The following PSPC1 variants were observed in gnomAD, a reference collection of about 807,000 sequenced individuals.
PSPC1 encodes the protein paraspeckle component 1.
A neutral mutation model predicts 51.6 loss-of-function variants in PSPC1; 14 were observed. That is an observed-to-expected ratio of 0.27 (90% CI 0.18 to 0.42). PSPC1 has a LOEUF of 0.42. Among genes scored for constraint, PSPC1 ranks in the 10% least tolerant of loss-of-function variants. PSPC1 has a pLI of 1.00. For synonymous variants in PSPC1, 193 were observed against 231.9 expected, an observed-to-expected ratio of 0.83 and a Z score of 1.53; for missense variants, 406 against 701.1, an observed-to-expected ratio of 0.58 and a Z score of 4.75.
rs558696019 is a variant in PSPC1, at chr13:19,710,589, G to A, written c.1159-990C>T. On this transcript the variant is annotated intron_variant, in intron 6 of 8. Coordinates refer to ENST00000338910, the MANE Select transcript of PSPC1 (RefSeq NM_001354909.2). ...CATTTAAAGTTCCATTTTATAATAC[G>A]AAAGACTGTTGAAAAGCACCTATAA... is the stretch of plus-strand genomic sequence containing the variant. Among the ~76,000 whole-genome samples the A allele has an allele frequency of 8.5e-5, 13 of 152,158 alleles. No homozygotes were observed. The East Asian group carries it at 2.1e-3, about 25-fold the overall frequency.
chr13:19,763,996 C>A (rs1887822275), intron 2 of PSPC1, among the ~76,000 whole-genome samples: 1 of 150,632 alleles, frequency 6.6e-6, no homozygotes, highest in Admixed American at 6.6e-5. Flanking sequence ...GACTGAAACC[C>A]TGTCTCGGAA....
intron 1 of PSPC1, among the ~76,000 whole-genome samples, chr13:19,780,254 G>A (rs112084683): frequency 2.1e-5 from 3 of 142,724 alleles, no homozygotes; most frequent in Admixed American, 1.4e-4. Flanking sequence ...CTGCCCGGCC[G>A]CCCCTACTGG....
intron 6 of PSPC1, chr13:19,678,600 G>C (rs1876923621): frequency 6.6e-6 from 1 of 152,048 alleles, no homozygotes; most frequent in Non-Finnish European, 1.5e-5. Flanking sequence ...CCTGAGAATT[G>C]GATGAAGCCC....
At chr13:19,730,979 A>AAAAAAAAAAAAAG (rs1884037281) in intron 5 of PSPC1, among the ~76,000 whole-genome samples, 1 of 138,164 alleles carries the variant, frequency 7.2e-6, no homozygotes, top group Non-Finnish European at 1.6e-5. Flanking sequence ...AAAAAAAAAA[A>AAAAAAAAAAAAAG]CAGAAAAAGT....
intron 7 of PSPC1, among the ~76,000 whole-genome samples, chr13:19,677,472 G>C (rs571793832): frequency 6.6e-6 from 1 of 152,178 alleles, no homozygotes; most frequent in African/African-American, 2.4e-5. Context: ...AGGGCAAGGC[G>C]AAGCTGAGAG....
chr13:19,748,335 A>G (rs1350802020), intron 4 of PSPC1, among the ~76,000 whole-genome samples: 2 of 152,238 alleles, frequency 1.3e-5, no homozygotes, highest in African/African-American at 2.4e-5. Context: ...TTTGGATCAA[A>G]TAAGTACAAG....
rs752466806 is a variant in PSPC1 at position 19,741,620 on chromosome 13, G to T, written c.997C>A (p.Arg333Ser). 1.9e-6 allele frequency: 3 copies of T among 1,605,742 alleles called. No individual in the cohort carries two copies. The highest frequency in any genetic ancestry group is 1.7e-6 in the Non-Finnish European group (2 of 1,174,830). The change falls in exon 5 of 9, where the codon CGC (arginine) becomes AGC (serine). Residue 333 changes from arginine to serine, a missense_variant. Physicochemically the swap from Arg to Ser is moderately radical, Grantham distance 110. Coordinates refer to ENST00000338910, the MANE Select transcript of PSPC1 (RefSeq NM_001354909.2). Reference protein sequence around the residue: ...DLMRRQEELRRLEELRNQELQ... With the variant: ...DLMRRQEELRSLEELRNQELQ... ...TCTTGGTTTCTGAGTTCTTCCAAGCGTCTGAGTTCTTCTTGACGCCTCATT... is the reference window on the plus strand; with the variant it reads ...TCTTGGTTTCTGAGTTCTTCCAAGCTTCTGAGTTCTTCTTGACGCCTCATT...
At chr13:19,706,621 C>A (rs1289809885) in intron 7 of PSPC1, among the ~76,000 whole-genome samples, 1 of 152,028 alleles carries the variant, frequency 6.6e-6, no homozygotes, top group Non-Finnish European at 1.5e-5. Context: ...AGTGTTTGCA[C>A]TGTAATACTA....
chr13:19,693,988 T>C (rs1248734523), intron 6 of PSPC1, among the ~76,000 whole-genome samples: 5 of 151,692 alleles, frequency 3.3e-5, no homozygotes, highest in Non-Finnish European at 7.4e-5. Flanking sequence ...CCGGGTGTGG[T>C]GGCGGGCGCC....
At chr13:19,780,913 T>G (rs1303370412) in intron 1 of PSPC1, among the ~76,000 whole-genome samples, 1 of 152,066 alleles carries the variant, frequency 6.6e-6, no homozygotes, top group Non-Finnish European at 1.5e-5. Context: ...TCCCAGCACT[T>G]TGGGAGGCCA....
At chr13:19,731,859 T>C (rs975212088) in intron 5 of PSPC1, among the ~76,000 whole-genome samples, 1 of 152,214 alleles carries the variant, frequency 6.6e-6, no homozygotes, top group African/African-American at 2.4e-5. Flanking sequence ...ACATGTCCCA[T>C]AATGGATACT....
chr13:19,687,133 G>A (rs1448915505), intron 6 of PSPC1, among the ~76,000 whole-genome samples: 7 of 152,148 alleles, frequency 4.6e-5, no homozygotes, highest in Admixed American at 3.3e-4. Flanking sequence ...TCCGGGAGGC[G>A]GAGGTTGTGG....
At chr13:19,721,366 G>C (rs933301353) in intron 6 of PSPC1, among the ~76,000 whole-genome samples, 12 of 152,238 alleles carry the variant, frequency 7.9e-5, no homozygotes, top group Admixed American at 6.5e-4. Context: ...TGCCGGTCTT[G>C]ACTCTCCTCT....
intron 6 of PSPC1, among the ~76,000 whole-genome samples, chr13:19,685,983 C>G (rs1049549949): frequency 2.0e-5 from 3 of 152,100 alleles, no homozygotes; most frequent in Admixed American, 6.5e-5. Flanking sequence ...ATCTTATTGT[C>G]TCTCCTCTTA....
intron 1 of PSPC1, among the ~76,000 whole-genome samples, chr13:19,781,027 C>G (rs1295367876): frequency 6.6e-6 from 1 of 151,414 alleles, no homozygotes; most frequent in Non-Finnish European, 1.5e-5. Flanking sequence ...CTTGGGGGTG[C>G]GTGACTGTAG....
intron 5 of PSPC1, among the ~76,000 whole-genome samples, chr13:19,731,042 A>G (rs1884047304): frequency 6.6e-6 from 1 of 151,746 alleles, no homozygotes; most frequent in African/African-American, 2.4e-5. Context: ...AGCCACTCAG[A>G]ACATATCCAG....
At chr13:19,695,285 T>C (rs188177955) in intron 6 of PSPC1, among the ~76,000 whole-genome samples, 40 of 152,340 alleles carry the variant, frequency 2.6e-4, no homozygotes, top group Non-Finnish European at 1.5e-5. Context: ...TAGTTGACTT[T>C]AAGGCCTGTA....
Position 19,782,464 on chromosome 13 carries a change from G to C in PSPC1, c.294C>G (p.Phe98Leu). The C allele has an allele frequency of 6.2e-7, 1 of 1,612,202 alleles. No homozygotes were observed. The highest frequency in any genetic ancestry group is 8.5e-7 in the Non-Finnish European group (1 of 1,179,186). The change falls in exon 1 of 9, where the codon TTC (phenylalanine) becomes TTG (leucine). Residue 98 changes from phenylalanine (F) to leucine (L), a missense_variant. Phe to Leu is a conservative substitution (Grantham distance 22). This residue lies in a region of PSPC1 where 180 missense variants were observed against 337.9 expected (regional missense o/e 0.53). Coordinates refer to ENST00000338910, the MANE Select transcript of PSPC1 (RefSeq NM_001354909.2). This position sits in a 1 kb window ranked among gnomAD's most constrained non-coding sequence, Gnocchi z 4.5. Reference protein sequence around the residue: ...NLPTDITEEDFKRLFERYGEP... With the variant: ...NLPTDITEEDLKRLFERYGEP... ...CGCCATAGCGTTCGAAGAGCCTCTT[G>C]AAGTCCTCCTCCGTGATGTCGGTGG...
downstream of PSPC1, chr13:19,673,150 G>A (rs1342593678): frequency 6.6e-6 from 3 of 452,308 alleles, no homozygotes; most frequent in Admixed American, 2.4e-5. Context: ...AACACCGACT[G>A]GGAAGATGGG....
Sources: allele counts gnomAD v4.1 joint callset (sites outside exome capture counted in the v4.1 genomes callset), GRCh38; gene constraint gnomAD v4.1.1; regional missense constraint gnomAD v4.1.1; non-coding constraint Gnocchi (gnomAD v3.1); transcripts MANE v1.5; gene names NCBI Gene and HGNC (gene_info 2026-07-23, HGNC 2026-07-21).